S100Z: variants seen among roughly 807,000 people sequenced by gnomAD.
The protein encoded by S100Z is S100 calcium binding protein Z.
In S100Z, 11 loss-of-function variants were observed where a neutral mutation model predicts 8.5. The ratio of observed to expected loss-of-function variants is 1.30; its 90% CI spans 0.82 to 2.15. S100Z has a LOEUF of 2.15. Among genes scored for constraint, S100Z ranks in the 30% most tolerant of loss-of-function variants. The pLI, the probability that S100Z is intolerant of heterozygous loss-of-function variation, is 0.00. For missense variants in S100Z, 126 were observed against 117.9 expected (o/e 1.07, Z -0.32); for synonymous variants, 34 against 43.8 (o/e 0.78, Z 0.89).
the S100Z span, among the ~76,000 whole-genome samples, chr5:76,937,784 G>C: frequency 7.8e-6 from 1 of 127,718 alleles, no homozygotes; most frequent in South Asian, 2.8e-4. Context: ...GGCAACCTAA[G>C]ACCTCTTCCT....
chr5:76,898,215 A>T (rs1744106443), intron 4 of S100Z, among the ~76,000 whole-genome samples: 1 of 151,226 alleles, frequency 6.6e-6, no homozygotes, highest in African/African-American at 2.4e-5. Context: ...CAATGGCATG[A>T]TCTCGGCTCA....
In S100Z at chr5:76,920,483, G is replaced by A. The variant is rs552582185; in HGVS notation, c.*3-234G>A. On this transcript the variant is annotated intron_variant, in intron 4 of 4. Transcript: ENST00000317593. ...ATAATGGTATACACAATGCTTCGTC[G>A]GAATTTACCTGACTTAGAAAGAACA... is the stretch of plus-strand genomic sequence containing the variant. Among the ~76,000 whole-genome samples the A allele has an allele frequency of 1.4e-4, 21 of 152,224 alleles. No homozygotes were observed. The South Asian group carries it at 3.7e-3, about 27-fold the overall frequency.
rs1744970380 is a variant in S100Z at position 76,919,563 on chromosome 5, CCTTTCTCTCTCTCTCT to C, written c.*3-1142_*3-1127del. ...CCCTCCCTCCCTCCCTTCCTTCCTT[CCTTTCTCTCTCTCTCT>C]CTTTCTCTCTCCCTCTCTTTCTTTT... On this transcript the variant is annotated intron_variant, in intron 4 of 4. Transcript: ENST00000317593. Among the ~76,000 whole-genome samples, 11 of 64,646 alleles carry C rather than the reference CCTTTCTCTCTCTCTCT, an allele frequency of 1.7e-4. No homozygotes were observed. In the Admixed American group the frequency reaches 2.0e-3, roughly 12 times the overall value. 42.4% of individuals were successfully genotyped at this position (64,646 alleles called of 152,430 possible). A position where few individuals can be genotyped will look rare whatever the true frequency, so the allele number is the denominator to read the frequency against.
chr5:76,866,148 G>T (rs1227076682), intron 1 of S100Z, among the ~76,000 whole-genome samples: 2 of 151,780 alleles, frequency 1.3e-5, no homozygotes, highest in African/African-American at 4.8e-5. Flanking sequence ...GCAGTGTAGT[G>T]ATCTTGGCTC....
At chr5:76,928,353 C>G in the S100Z span, among the ~76,000 whole-genome samples, 1 of 152,272 alleles carries the variant, frequency 6.6e-6, no homozygotes, top group Admixed American at 6.5e-5. Context: ...TTGGTAGAAT[C>G]AATTGTAAGT....
chr5:76,859,518 C>A (rs546024290), intron 1 of S100Z, among the ~76,000 whole-genome samples: 1 of 151,980 alleles, frequency 6.6e-6, no homozygotes, highest in Non-Finnish European at 1.5e-5. Flanking sequence ...CAGTGGCTCA[C>A]GTCTGTAATC....
chr5:76,926,273 G>A (rs1745135723), downstream of S100Z, among the ~76,000 whole-genome samples: 1 of 152,192 alleles, frequency 6.6e-6, no homozygotes, highest in African/African-American at 2.4e-5. Flanking sequence ...GTAGCCGTGA[G>A]GGTTGGGGCA....
At chr5:76,876,910 C>T (rs1176555330) in intron 3 of S100Z, among the ~76,000 whole-genome samples, 1 of 152,132 alleles carries the variant, frequency 6.6e-6, no homozygotes, top group African/African-American at 2.4e-5. Context: ...GAGGTGGGTG[C>T]TTCACAGTTC....
the S100Z span, among the ~76,000 whole-genome samples, chr5:76,927,053 A>C: frequency 3.3e-5 from 5 of 152,140 alleles, no homozygotes; most frequent in African/African-American, 9.7e-5. Flanking sequence ...TGATTGTAAG[A>C]TGTTCCTGCT....
the S100Z span, among the ~76,000 whole-genome samples, chr5:76,941,074 A>T: frequency 6.6e-6 from 1 of 152,158 alleles, no homozygotes; most frequent in Non-Finnish European, 1.5e-5. Flanking sequence ...GAGACTGGGT[A>T]ATCTGTAAAG....
the S100Z span, among the ~76,000 whole-genome samples, chr5:76,939,330 T>G: frequency 6.6e-6 from 1 of 151,546 alleles, no homozygotes; most frequent in South Asian, 2.1e-4. Context: ...TTTTTTGTAC[T>G]TTTAGTAGAG....
intron 4 of S100Z, among the ~76,000 whole-genome samples, chr5:76,907,946 T>C (rs1390386558): frequency 6.6e-6 from 1 of 152,014 alleles, no homozygotes; most frequent in East Asian, 1.9e-4. Context: ...CTGGGCAGCA[T>C]GGTGAAAGCA....
chr5:76,919,240 T>C (rs1418616286), intron 4 of S100Z, among the ~76,000 whole-genome samples: 2 of 152,168 alleles, frequency 1.3e-5, no homozygotes, highest in African/African-American at 2.4e-5. Flanking sequence ...AGTAAGAGCA[T>C]GTTCAGTTTT....
chr5:76,942,445 C>CAAAAAAAAAAAAAAA, the S100Z span, among the ~76,000 whole-genome samples: 41 of 72,790 alleles, frequency 5.6e-4, no homozygotes, highest in Admixed American at 4.5e-4. Flanking sequence ...AAAAAAAAAG[C>CAAAAAAAAAAAAAAA]AAAAACCTCT....
downstream of S100Z, among the ~76,000 whole-genome samples, chr5:76,922,742 C>G (rs1481849934): frequency 6.6e-6 from 1 of 152,104 alleles, no homozygotes; most frequent in Non-Finnish European, 1.5e-5. Context: ...CCAGGATGGT[C>G]TTGATCTCCT....
At chr5:76,903,057 G>A (rs1395460732) in intron 4 of S100Z, among the ~76,000 whole-genome samples, 1 of 152,170 alleles carries the variant, frequency 6.6e-6, no homozygotes, top group East Asian at 1.9e-4. Context: ...ATGATGGCGG[G>A]TGCCAGTGAT....
chr5:76,909,555 C>G (rs544548862), intron 4 of S100Z, among the ~76,000 whole-genome samples: 1 of 152,174 alleles, frequency 6.6e-6, no homozygotes, highest in Non-Finnish European at 1.5e-5. Context: ...CAGCTTACCC[C>G]CTTATCCTAG....
intron 3 of S100Z, among the ~76,000 whole-genome samples, chr5:76,875,755 A>C (rs1348236495): frequency 1.3e-5 from 2 of 152,180 alleles, no homozygotes; most frequent in Admixed American, 1.3e-4. Context: ...TCACCAATTA[A>C]CATTCTGGTG....
At chr5:76,897,869 T>C (rs1022478353) in intron 4 of S100Z, among the ~76,000 whole-genome samples, 10 of 152,246 alleles carry the variant, frequency 6.6e-5, no homozygotes, top group African/African-American at 2.4e-4. Flanking sequence ...TTATCAGTTC[T>C]AATAGTTTTC....
Sources: gnomAD v4.1 joint callset for allele counts (sites outside exome capture counted in the v4.1 genomes callset) on GRCh38, gnomAD v4.1.1 for gene constraint, MANE v1.5 for transcripts, NCBI Gene and HGNC (gene_info 2026-07-23, HGNC 2026-07-21) for gene names.